The following ANKUB1 variants were observed in gnomAD, a reference collection of about 807,000 sequenced individuals.
The protein encoded by ANKUB1 is protein ANKUB1.
ANKUB1 carries 42 observed loss-of-function variants against 49.3 expected under a neutral mutation model. That is an observed-to-expected ratio of 0.85 (90% confidence interval 0.67 to 1.10). ANKUB1 has a LOEUF of 1.10. ANKUB1 is among the 50% of genes least tolerant of loss of function. The probability of loss-of-function intolerance (pLI) is 0.00; values close to 1 mark genes in which losing one functional copy is unlikely to be tolerated. For missense variants in ANKUB1, 613 were observed against 642.0 expected (o/e 0.95, Z 0.49); for synonymous variants, 222 against 231.0 (o/e 0.96, Z 0.35).
In ANKUB1 at chr3:149,767,396, A is replaced by G. The variant is rs1458955074; in HGVS notation, c.1266T>C (p.His422=). 1 of 1,551,328 alleles carries G rather than the reference A, an allele frequency of 6.4e-7. No homozygotes were observed. The highest frequency in any genetic ancestry group is 2.0e-5 in the Admixed American group (1 of 50,952). Residue 422 remains histidine (H), a synonymous_variant, in exon 5 of 6, where the codon CAT becomes CAC. Transcript: ENST00000446160. ...NASSFSELQK[H]QQQNQKKITA... ...TAATTTTTTTCTGATTTTGTTGTTG[A>G]TGTTTTTGTAATTCAGAGAATGAAC...
intron 2 of ANKUB1, among the ~76,000 whole-genome samples, chr3:149,787,099 A>T (rs566790657): frequency 2.0e-5 from 3 of 152,230 alleles, no homozygotes; most frequent in African/African-American, 7.2e-5. Flanking sequence ...GTTTTTTCCA[A>T]TTCTGTGAAG....
At position 149,767,485 on chromosome 3, in the gene ANKUB1, A is replaced by T; in HGVS notation, c.1177T>A (p.Leu393Met). The T allele has an allele frequency of 6.4e-7, 1 of 1,551,708 alleles. No individual in the cohort carries two copies. Among genetic ancestry groups the T allele is most frequent in the African/African-American group, 1.4e-5 (1 of 73,170 alleles). Reference sequence around the variant, plus strand: ...CTTGTGTCCGGCTGTGAAATTGCCAAAGGATTGACAGGTTTGCTGCTTGCA... The same window carrying T: ...CTTGTGTCCGGCTGTGAAATTGCCATAGGATTGACAGGTTTGCTGCTTGCA... ...QTASSKPVNPLAISQPDTRKQ... is the reference protein window; with the variant it reads ...QTASSKPVNPMAISQPDTRKQ... Residue 393 changes from leucine (L) to methionine (M), a missense_variant, in exon 5 of 6, where the codon TTG (leucine) becomes ATG (methionine). Physicochemically the swap from Leu to Met is conservative, Grantham distance 15. Coordinates refer to ENST00000446160, the MANE Select transcript of ANKUB1 (RefSeq NM_001144960.3).
At chr3:149,777,695 C>T (rs780864706) in intron 3 of ANKUB1, among the ~76,000 whole-genome samples, 5 of 152,254 alleles carry the variant, frequency 3.3e-5, no homozygotes, top group Middle Eastern at 3.4e-3. Context: ...CCTTCCTCCT[C>T]TCAGATGATC....
chr3:149,767,240 T>C lies in ANKUB1; in HGVS notation c.1422A>G (p.Leu474=). 1 of 1,551,362 alleles carries C rather than the reference T, an allele frequency of 6.4e-7. No homozygotes were observed. The highest frequency in any genetic ancestry group is 1.4e-5 in the African/African-American group (1 of 73,158). The change falls in exon 5 of 6, where the codon TTA becomes TTG. Residue 474 remains leucine, a synonymous_variant. Transcript: ENST00000446160. ...AGAAAGATGAGAAGGAGGACTTCAG[T>C]AAAAAGTCAGCACTGGGTGTTGCAT... ...FFYATPSADF[L]LKSSFSSFLE...
intron 2 of ANKUB1, 29 bp downstream of exon 2, chr3:149,790,752 T>C (rs888968553): frequency 2.6e-6 from 4 of 1,527,520 alleles, no homozygotes; most frequent in South Asian, 2.5e-5. Flanking sequence ...GATAGATATC[T>C]TAGACGAATA....
intron 2 of ANKUB1, among the ~76,000 whole-genome samples, chr3:149,787,785 C>T (rs1193342630): frequency 6.6e-6 from 1 of 152,130 alleles, no homozygotes; most frequent in Non-Finnish European, 1.5e-5. Flanking sequence ...CTGTATTTAT[C>T]CAGTGTCTTT....
rs145638423 is a variant in ANKUB1 at position 149,764,677 on chromosome 3, T to TTTCCTTCCTTCC, written c.1505+2468_1505+2479dup. Among the ~76,000 whole-genome samples the TTTCCTTCCTTCC allele has an allele frequency of 1.4e-3, 196 of 140,880 alleles. 1 individual carries two copies. The highest frequency in any genetic ancestry group is 0.011 in the Admixed American group (149 of 14,014). 92.4% of individuals were successfully genotyped at this position (140,880 alleles called of 152,430 possible). ...TTCCTTCCTTCTTTCTTTCTTTTTC[T>TTTCCTTCCTTCC]TTCCTTCCTTCCTTCTTTCTTCCTC... On this transcript the variant is annotated intron_variant, in intron 5 of 5. Coordinates refer to ENST00000446160, the MANE Select transcript of ANKUB1 (RefSeq NM_001144960.3).
intron 2 of ANKUB1, among the ~76,000 whole-genome samples, chr3:149,784,726 A>G (rs1437222838): frequency 1.3e-5 from 2 of 152,222 alleles, no homozygotes; most frequent in Admixed American, 6.5e-5. Context: ...TGGTCAGGGG[A>G]AAAGCCAAGA....
At chr3:149,774,112 T>A (rs914411031) in intron 3 of ANKUB1, among the ~76,000 whole-genome samples, 1 of 152,214 alleles carries the variant, frequency 6.6e-6, no homozygotes, top group African/African-American at 2.4e-5. Context: ...GTCCCCACTT[T>A]GTGCCCTATA....
chr3:149,767,525 A>G lies in ANKUB1; in HGVS notation c.1137T>C (p.Ser379=). 2.6e-6 allele frequency: 4 copies of G among 1,551,552 alleles called. No individual in the cohort carries two copies. Among genetic ancestry groups the G allele is most frequent in the Non-Finnish European group, 3.5e-6 (4 of 1,146,976 alleles). Residue 379 remains serine (S), a synonymous_variant, in exon 5 of 6, where the codon TCT becomes TCC. Transcript: ENST00000446160. ...DSQSIVLKLP[S]LSKQTASSKP... ...TGCTGCTTGCAGTTTGTTTGCTGAGAGATGGTAGCTTGAGCACGATGCTTT... is the reference window on the plus strand; with the variant it reads ...TGCTGCTTGCAGTTTGTTTGCTGAGGGATGGTAGCTTGAGCACGATGCTTT...
In ANKUB1 at chr3:149,780,466, A is replaced by G. The variant is rs1717812679; in HGVS notation, c.235-11T>C. The G allele has an allele frequency of 6.5e-7, 1 of 1,545,266 alleles. No individual in the cohort carries two copies. Among genetic ancestry groups the G allele is most frequent in the South Asian group, 1.2e-5 (1 of 83,908 alleles). On this transcript the variant is annotated splice_polypyrimidine_tract_variant and intron_variant, in intron 2 of 5. Coordinates refer to ENST00000446160, the MANE Select transcript of ANKUB1 (RefSeq NM_001144960.3). ...AGGCTTGTCTTCTTCCTAAAGGGAA[A>G]GAAAAGGAGGGAACTTATTGTCTGG...
chr3:149,779,882 A>G (rs1717778100), intron 3 of ANKUB1: 1 of 238,542 alleles, frequency 4.2e-6, no homozygotes, highest in African/African-American at 2.2e-5. Flanking sequence ...TTGATAATTC[A>G]TATCCATACT....
intron 4 of ANKUB1, among the ~76,000 whole-genome samples, chr3:149,770,256 T>C (rs1717283199): frequency 1.3e-5 from 2 of 152,168 alleles, no homozygotes; most frequent in African/African-American, 2.4e-5. Flanking sequence ...AAAAGTTATA[T>C]GGGAATTTTC....
chr3:149,772,166 G>A (rs1717396375), intron 3 of ANKUB1, among the ~76,000 whole-genome samples: 1 of 151,796 alleles, frequency 6.6e-6, no homozygotes, highest in Non-Finnish European at 1.5e-5. Context: ...CTGGATTACA[G>A]GCCACCATGC....
chr3:149,768,151 A>G (rs1196506549), intron 4 of ANKUB1, 56 bp from the exon 5 acceptor site: 17 of 1,137,136 alleles, frequency 1.5e-5, no homozygotes, highest in African/African-American at 9.3e-5. Flanking sequence ...AAACAGACAA[A>G]TGTAGTTACA....
At chr3:149,777,476 AAACAACAACAAC>A (rs34938958) in intron 3 of ANKUB1, among the ~76,000 whole-genome samples, 1 of 150,824 alleles carries the variant, frequency 6.6e-6, no homozygotes, top group Non-Finnish European at 1.5e-5. Context: ...ACTCAAAAAC[AAACAACAACAAC>A]AACAACAACA....
At chr3:149,774,222 G>T (rs778121954) in intron 3 of ANKUB1, among the ~76,000 whole-genome samples, 3 of 152,258 alleles carry the variant, frequency 2.0e-5, no homozygotes, top group Non-Finnish European at 4.4e-5. Context: ...TTAGATTTCT[G>T]TCACGTTGTC....
At chr3:149,771,145 C>T (rs9878259) in intron 3 of ANKUB1, among the ~76,000 whole-genome samples, 33,190 of 152,146 alleles carry the variant, frequency 0.22, 4,284 homozygotes, top group Middle Eastern at 0.33. Flanking sequence ...AGCTGTTCTC[C>T]GTTACAAACA....
At chr3:149,762,021 C>T (rs1716804130) in intron 5 of ANKUB1, among the ~76,000 whole-genome samples, 1 of 152,132 alleles carries the variant, frequency 6.6e-6, no homozygotes, top group East Asian at 1.9e-4. Context: ...TAGTCTTTAA[C>T]TAAAATGCAA....
Sources: allele counts gnomAD v4.1 joint callset (sites outside exome capture counted in the v4.1 genomes callset), GRCh38; gene constraint gnomAD v4.1.1; transcripts MANE v1.5; gene names NCBI Gene and HGNC (gene_info 2026-07-23, HGNC 2026-07-21).